Variants in WDHD1 observed in about 807,000 individuals in gnomAD.
WDHD1 encodes the protein WD repeat and HMG-box DNA binding protein 1, also known as WD repeat and HMG-box DNA-binding protein 1.
Under a neutral mutation model 135.4 loss-of-function variants are expected in WDHD1, and 111 were observed. The ratio of observed to expected loss-of-function variants is 0.82; its 90% CI spans 0.70 to 0.96. The LOEUF (loss-of-function observed/expected upper bound fraction) is 0.96, where lower values mean the gene tolerates loss of function less well. Among genes scored for constraint, WDHD1 ranks in the 40% least tolerant of loss-of-function variants. The pLI is 0.00. For synonymous variants in WDHD1, 434 were observed against 439.0 expected (o/e 0.99, Z 0.14); for missense variants, 1,351 against 1,336.3 (o/e 1.01, Z -0.17).
chr14:54,957,244 A>G, intron 22 of WDHD1, 40 bp from the exon 23 acceptor site: 1 of 1,549,974 alleles, frequency 6.5e-7, no homozygotes, highest in Non-Finnish European at 8.7e-7. Context: ...TGTTTAAAGA[A>G]GAAAAATAAA....
intron 15 of WDHD1, among the ~76,000 whole-genome samples, chr14:54,983,818 C>CA (rs896541368): frequency 3.1e-4 from 44 of 143,730 alleles, no homozygotes; most frequent in Admixed American, 4.8e-4. Flanking sequence ...CATGCCCAGC[C>CA]AAAAAAAAAA....
At position 54,972,553 on chromosome 14, in the gene WDHD1, CAAAAAAAAAAAAAAAAAAA is replaced by C. The variant is rs71410642; in HGVS notation, c.2064-5178_2064-5160del. 3.1e-3 allele frequency among the ~76,000 whole-genome samples: 79 copies of C among 25,500 alleles called. 2 individuals are homozygous for C. Among genetic ancestry groups the C allele is most frequent in the African/African-American group, 0.012 (59 of 4,906 alleles). 16.7% of individuals were successfully genotyped at this position (25,500 alleles called of 152,430 possible). A position where few individuals can be genotyped will look rare whatever the true frequency, so the allele number is the denominator to read the frequency against. ...CCTGGGCAATAAAGCAAGACTGTCA[CAAAAAAAAAAAAAAAAAAA>C]AAAAAAAAAAAAAAAAAATGCCAAT... On this transcript the variant is annotated intron_variant, in intron 16 of 25. Coordinates refer to ENST00000360586, the MANE Select transcript of WDHD1 (RefSeq NM_007086.4).
rs201643518 is a variant in WDHD1, at chr14:54,941,632, C to T, written c.3248G>A (p.Arg1083Gln). Residue 1083 changes from arginine (R) to glutamine (Q), a missense_variant, in exon 26 of 26, where the codon CGA (arginine) becomes CAA (glutamine). By Grantham distance (43) the Arg-to-Gln change is conservative (BLOSUM62 1). Transcript: ENST00000360586. Reference protein sequence around the residue: ...TASEGTEAKKRKRVVDESDET... With the variant: ...TASEGTEAKKQKRVVDESDET... The stretch of plus-strand genomic sequence containing the variant: ...ATCACTTTCATCAACCACACGTTTT[C>T]GCTTCTTTGCTTCAGTTCCTTCACT... The T allele has an allele frequency of 1.2e-5, 20 of 1,613,958 alleles. No homozygotes were observed. The highest frequency in any genetic ancestry group is 2.2e-5 in the East Asian group (1 of 44,862).
chr14:54,962,429 G>A (rs1296500377), intron 21 of WDHD1, 69 bp downstream of exon 21: 24 of 1,201,750 alleles, frequency 2.0e-5, no homozygotes, highest in East Asian at 1.6e-4. Flanking sequence ...GTGTATTTGC[G>A]TAGATGTGTC....
At chr14:54,941,805 C>A in intron 25 of WDHD1, 115 bp from the exon 26 acceptor site, 1 of 897,092 alleles carries the variant, frequency 1.1e-6, no homozygotes, top group South Asian at 1.9e-5. Context: ...GAATAATTAG[C>A]ACTTGAATTA....
intron 7 of WDHD1, chr14:55,004,769 T>C: frequency 2.6e-6 from 1 of 389,498 alleles, no homozygotes. Context: ...TTATTTTTCA[T>C]CAACCTTATT....
chr14:54,991,483 T>C, intron 11 of WDHD1, 83 bp from the exon 12 acceptor site: 2 of 1,311,442 alleles, frequency 1.5e-6, no homozygotes, highest in Non-Finnish European at 2.1e-6. Context: ...TCTAGTAACT[T>C]TTTCATTCAT....
chr14:54,962,728 T>C lies in WDHD1; in HGVS notation c.2647+10A>G, dbSNP rs748750044. 96 of 1,612,964 alleles carry C rather than the reference T, an allele frequency of 6.0e-5. No individual in the cohort carries two copies. The highest frequency in any genetic ancestry group is 8.1e-5 in the Non-Finnish European group (96 of 1,179,276). ...TTCTCATGATTTATGGGCTTGAAAA[T>C]GTATCTCACCAGGCTTATGTATTTC... is the stretch of plus-strand genomic sequence containing the variant. On this transcript the variant is annotated intron_variant, in intron 20 of 25. Coordinates refer to ENST00000360586, the MANE Select transcript of WDHD1 (RefSeq NM_007086.4).
At chr14:54,970,891 A>G (rs1044184735) in intron 16 of WDHD1, among the ~76,000 whole-genome samples, 10 of 152,154 alleles carry the variant, frequency 6.6e-5, no homozygotes, top group Non-Finnish European at 5.9e-5. Flanking sequence ...CACAAACAGA[A>G]ACACAGACCA....
chr14:54,966,355 C>CAA lies in WDHD1; in HGVS notation c.2310+118_2310+119dup, dbSNP rs371574367. The CAA allele has an allele frequency of 4.5e-4, 541 of 1,194,490 alleles. 1 individual carries two copies. The highest frequency in any genetic ancestry group is 9.4e-4 in the Middle Eastern group (3 of 3,176). The allele number at this position is 1,194,490 out of a possible 1,614,324, so 74.0% of individuals were successfully genotyped here. A position where few individuals can be genotyped will look rare whatever the true frequency, so the allele number is the denominator to read the frequency against. On this transcript the variant is annotated intron_variant, in intron 18 of 25. Transcript: ENST00000360586. ...GTCGCACAAAAAACAACAACAACAA[C>CAA]AAAAAAAAACTTAAGAATCTTAGGT...
At chr14:54,982,667 C>A (rs2041637370) in intron 15 of WDHD1, among the ~76,000 whole-genome samples, 1 of 151,990 alleles carries the variant, frequency 6.6e-6, no homozygotes, top group Non-Finnish European at 1.5e-5. Context: ...CTAATTGGTA[C>A]TTCGGAGAAA....
At chr14:55,008,235 T>A in intron 6 of WDHD1, 81 bp downstream of exon 6, 1 of 1,342,422 alleles carries the variant, frequency 7.4e-7, no homozygotes, top group Non-Finnish European at 1.0e-6. Flanking sequence ...AAGCAATTAT[T>A]AATTTGGCCC....
chr14:54,963,285 C>CCTAATT, intron 18 of WDHD1, 113 bp from the exon 19 acceptor site: 1 of 799,464 alleles, frequency 1.3e-6, no homozygotes, highest in East Asian at 2.6e-5. Context: ...ACTCTATCTC[C>CCTAATT]CTAATTCTAA....
At chr14:54,952,851 C>A (rs1290436251) in intron 24 of WDHD1, among the ~76,000 whole-genome samples, 1 of 152,144 alleles carries the variant, frequency 6.6e-6, no homozygotes, top group South Asian at 2.1e-4. Flanking sequence ...CTTTGACAAA[C>A]ATGACAAAAA....
In WDHD1 at chr14:54,963,020, G is replaced by A. The variant is rs764452676; in HGVS notation, c.2463C>T (p.Ala821=). The A allele has an allele frequency of 3.5e-5, 56 of 1,613,062 alleles. No individual in the cohort carries two copies. The highest frequency in any genetic ancestry group is 1.6e-4 in the Middle Eastern group (1 of 6,062). ...KLSELAVEKA[A]ELTATQVEEE... ...CTTCCACCTGGGTTGCTGTCAATTC[G>A]GCTGCCTTCTCTACAGCCAGTTCAC... Residue 821 remains alanine, a synonymous_variant, in exon 19 of 26, where the codon GCC becomes GCT. Coordinates refer to ENST00000360586, the MANE Select transcript of WDHD1 (RefSeq NM_007086.4).
chr14:55,012,750 A>G (rs989262397), intron 3 of WDHD1, among the ~76,000 whole-genome samples: 1 of 152,134 alleles, frequency 6.6e-6, no homozygotes, highest in Non-Finnish European at 1.5e-5. Context: ...AGGGAGAGCA[A>G]GAGGATCAAA....
At chr14:54,995,836 A>C in intron 10 of WDHD1, 23 bp from the exon 11 acceptor site, 1 of 1,488,174 alleles carries the variant, frequency 6.7e-7, no homozygotes, top group Non-Finnish European at 9.0e-7. Flanking sequence ...AATACAAATT[A>C]TAAAGTAAAA....
At chr14:55,019,750 T>G (rs1414394806) in intron 2 of WDHD1, among the ~76,000 whole-genome samples, 1 of 152,116 alleles carries the variant, frequency 6.6e-6, no homozygotes, top group Non-Finnish European at 1.5e-5. Context: ...GCATCTGTGA[T>G]CCCAGCTACT....
chr14:54,982,299 G>C (rs924145442), intron 15 of WDHD1, among the ~76,000 whole-genome samples: 2 of 152,030 alleles, frequency 1.3e-5, no homozygotes, highest in African/African-American at 4.8e-5. Context: ...GTGAGCCACC[G>C]CGCCCGGCCG....
Sources: allele counts gnomAD v4.1 joint callset (sites outside exome capture counted in the v4.1 genomes callset), GRCh38; gene constraint gnomAD v4.1.1; transcripts MANE v1.5; gene names NCBI Gene and HGNC (gene_info 2026-07-23, HGNC 2026-07-21).